The following CLASP2 variants were observed in gnomAD, a reference collection of about 807,000 sequenced individuals.
CLASP2 encodes the protein CLIP-associating protein 2.
In CLASP2, 47 loss-of-function variants were observed where a neutral mutation model predicts 194.4. That is an observed-to-expected ratio of 0.24 (90% CI 0.19 to 0.31). CLASP2 has a LOEUF of 0.31. Among genes scored for constraint, CLASP2 ranks in the 10% least tolerant of loss-of-function variants. The pLI is 1.00. For synonymous variants in CLASP2, 619 were observed against 633.5 expected, an observed-to-expected ratio of 0.98 and a Z score of 0.34; for missense variants, 1,445 against 1,823.6, an observed-to-expected ratio of 0.79 and a Z score of 3.78.
intron 13 of CLASP2, among the ~76,000 whole-genome samples, chr3:33,611,174 G>C (rs2075108358): frequency 6.6e-6 from 1 of 152,078 alleles, no homozygotes. Context: ...TTGCACAAAG[G>C]CTATCGCAAC....
chr3:33,697,737 G>A (rs2092053495), intron 1 of CLASP2, among the ~76,000 whole-genome samples: 1 of 152,150 alleles, frequency 6.6e-6, no homozygotes, highest in Admixed American at 6.5e-5. Context: ...AGCCCACTGG[G>A]TCTACAAAAT....
At chr3:33,653,081 C>T (rs1490836687) in intron 7 of CLASP2, among the ~76,000 whole-genome samples, 1 of 152,064 alleles carries the variant, frequency 6.6e-6, no homozygotes, top group Non-Finnish European at 1.5e-5. Flanking sequence ...CAACAGCTGC[C>T]AAAAACACTA....
At chr3:33,589,560 A>C (rs1387862841) in intron 21 of CLASP2, among the ~76,000 whole-genome samples, 1 of 152,174 alleles carries the variant, frequency 6.6e-6, no homozygotes, top group Admixed American at 6.5e-5. Flanking sequence ...CATTCAAATA[A>C]ATAAGCAAGC....
intron 37 of CLASP2, among the ~76,000 whole-genome samples, chr3:33,506,897 GT>G (rs1467735275): frequency 4.0e-5 from 6 of 150,740 alleles, no homozygotes; most frequent in African/African-American, 1.5e-4. Context: ...AAAATTGAGA[GT>G]GTAAGTACTC....
chr3:33,611,162 C>G (rs1332082642), intron 13 of CLASP2, among the ~76,000 whole-genome samples: 1 of 152,116 alleles, frequency 6.6e-6, no homozygotes. Flanking sequence ...AAAAACACAA[C>G]CTTGCACAAA....
chr3:33,574,194 G>A (rs907865140), intron 24 of CLASP2, among the ~76,000 whole-genome samples: 6 of 152,100 alleles, frequency 3.9e-5, no homozygotes, highest in African/African-American at 1.4e-4. Flanking sequence ...TTTGGCTGAT[G>A]AGTGGTGAAG....
intron 6 of CLASP2, among the ~76,000 whole-genome samples, chr3:33,670,319 A>G: frequency 6.6e-6 from 1 of 152,170 alleles, no homozygotes; most frequent in Non-Finnish European, 1.5e-5. Context: ...GTAATGTTCT[A>G]CTTCATCTGT....
rs758303698 is a variant in CLASP2 at position 33,688,317 on chromosome 3, G to A, written c.430C>T (p.Arg144Ter). ...SGFKHKNFRSREGVCLCLIET... is the reference protein window; with the variant it reads ...SGFKHKNFRS ...ATAAGACACAGACACACGCCTTCTC[G>A]AGATCGAAAATTCTTGTGTTTAAAA... is the stretch of plus-strand genomic sequence containing the variant. The change falls in exon 4 of 39, where the codon CGA becomes TGA. Residue 144 changes from arginine to a stop codon, truncating the protein, a stop_gained. Coordinates refer to ENST00000682230, the MANE Select transcript of CLASP2 (RefSeq NM_001365631.1). LOFTEE classifies it high-confidence loss of function. 11 of 1,592,812 alleles carry A rather than the reference G, an allele frequency of 6.9e-6. No individual in the cohort carries two copies. The highest frequency in any genetic ancestry group is 8.6e-6 in the Non-Finnish European group (10 of 1,168,798).
chr3:33,598,644 T>A (rs976088139), intron 18 of CLASP2, among the ~76,000 whole-genome samples: 1 of 152,206 alleles, frequency 6.6e-6, no homozygotes, highest in Non-Finnish European at 1.5e-5. Flanking sequence ...CAACCACAGA[T>A]AATTCCTACC....
At chr3:33,499,268 T>C (rs532541573) in intron 38 of CLASP2, among the ~76,000 whole-genome samples, 17 of 152,232 alleles carry the variant, frequency 1.1e-4, no homozygotes, top group African/African-American at 3.6e-4. Flanking sequence ...TCTGCCATGA[T>C]TGTAAGTTTC....
Position 33,679,159 on chromosome 3 carries a change from C to T in CLASP2, c.644+5200G>A, listed in dbSNP as rs925646378. Reference sequence around the variant, plus strand: ...AATAAAAGATAGTTTCTTCAAAAAACTGTGCTAGGTCAACTGGACATTCAC... The same window carrying T: ...AATAAAAGATAGTTTCTTCAAAAAATTGTGCTAGGTCAACTGGACATTCAC... On this transcript the variant is annotated intron_variant, in intron 6 of 38. Transcript: ENST00000682230. 1.1e-4 allele frequency among the ~76,000 whole-genome samples: 17 copies of T among 152,126 alleles called. 1 individual carries two copies. Among genetic ancestry groups the T allele is most frequent in the Admixed American group, 1.1e-3 (17 of 15,274 alleles).
At chr3:33,653,818 T>C (rs1298886089) in intron 7 of CLASP2, among the ~76,000 whole-genome samples, 7 of 152,146 alleles carry the variant, frequency 4.6e-5, no homozygotes, top group Admixed American at 4.6e-4. Context: ...ATACTATTTC[T>C]GGGTATGTCT....
intron 32 of CLASP2, 32 bp from the exon 33 acceptor site, chr3:33,538,974 G>A: frequency 6.7e-7 from 1 of 1,492,680 alleles, no homozygotes; most frequent in South Asian, 1.4e-5. Context: ...TTTTTACTTA[G>A]GTGTAGTTTT....
At chr3:33,693,647 CA>C (rs1198264132) in intron 2 of CLASP2, among the ~76,000 whole-genome samples, 3 of 151,930 alleles carry the variant, frequency 2.0e-5, no homozygotes, top group Non-Finnish European at 4.4e-5. Flanking sequence ...GGTAAATAGG[CA>C]AAAATGGGTA....
chr3:33,550,539 T>C (rs1264437929), intron 30 of CLASP2, among the ~76,000 whole-genome samples: 1 of 151,548 alleles, frequency 6.6e-6, no homozygotes, highest in Non-Finnish European at 1.5e-5. Context: ...CAACAGAATG[T>C]CTAAGAAGGA....
At chr3:33,594,838 A>G in intron 20 of CLASP2, 113 bp downstream of exon 20, 1 of 533,520 alleles carries the variant, frequency 1.9e-6, no homozygotes, top group Admixed American at 4.4e-5. Flanking sequence ...CAACTGGCAA[A>G]TTATAAAGAG....
At chr3:33,581,695 T>A (rs1262693953) in intron 23 of CLASP2, 126 bp downstream of exon 23, 1 of 626,226 alleles carries the variant, frequency 1.6e-6, no homozygotes, top group Non-Finnish European at 2.8e-6. Context: ...TTCCTCAAAA[T>A]GACAGAAAAG....
At chr3:33,683,067 A>G (rs934664614) in intron 6 of CLASP2, 4 of 152,202 alleles carry the variant, frequency 2.6e-5, no homozygotes, top group South Asian at 4.1e-4. Context: ...ATTGTATGGT[A>G]CCTTTCAACA....
chr3:33,690,787 G>C (rs144709316), intron 2 of CLASP2, among the ~76,000 whole-genome samples: 1 of 152,108 alleles, frequency 6.6e-6, no homozygotes, highest in African/African-American at 2.4e-5. Flanking sequence ...CAACATACCC[G>C]CACTGTTCAT....
Sources: gnomAD v4.1 joint callset for allele counts (sites outside exome capture counted in the v4.1 genomes callset) on GRCh38, gnomAD v4.1.1 for gene constraint, MANE v1.5 for transcripts, NCBI Gene and HGNC (gene_info 2026-07-23, HGNC 2026-07-21) for gene names.